ITSN1: variants seen among roughly 807,000 people sequenced by gnomAD.
ITSN1 encodes the protein intersectin 1, also known as intersectin-1.
In ITSN1, 58 loss-of-function variants were observed where a neutral mutation model predicts 239.8. The ratio of observed to expected loss-of-function variants is 0.24; its 90% confidence interval spans 0.20 to 0.30. The LOEUF (loss-of-function observed/expected upper bound fraction) is 0.30, where lower values mean the gene tolerates loss of function less well. ITSN1 is among the 10% of genes least tolerant of loss of function. The pLI is 1.00. For missense variants in ITSN1, 1,558 were observed against 2,103.3 expected (o/e 0.74, Z 5.07); for synonymous variants, 780 against 770.8 (o/e 1.01, Z -0.20).
chr21:33,676,658 T>C (rs910794123), intron 1 of ITSN1, among the ~76,000 whole-genome samples: 1 of 152,208 alleles, frequency 6.6e-6, no homozygotes, highest in Non-Finnish European at 1.5e-5. Flanking sequence ...TTGAATTATT[T>C]TGGTTGCACT....
chr21:33,843,753 C>T (rs765787598), intron 29 of ITSN1, among the ~76,000 whole-genome samples: 20 of 152,186 alleles, frequency 1.3e-4, no homozygotes, highest in Non-Finnish European at 2.5e-4. Flanking sequence ...GCTCAGAGCA[C>T]GGGTTCAAAT....
intron 5 of ITSN1, among the ~76,000 whole-genome samples, chr21:33,741,764 G>A (rs1290725616): frequency 6.6e-6 from 1 of 151,388 alleles, no homozygotes; most frequent in East Asian, 2.0e-4. Context: ...GCATGGTGGC[G>A]GGTGTCTGTA....
rs548876498 is a variant in ITSN1, at chr21:33,778,938, T to C, written c.1597-2523T>C. ...TCTGTAGTGATGTCTCTTCTTTCTTTACTGATATTGGTAATTTGTGTCCTC... is the reference window on the plus strand; with the variant it reads ...TCTGTAGTGATGTCTCTTCTTTCTTCACTGATATTGGTAATTTGTGTCCTC... On this transcript the variant is annotated intron_variant, in intron 14 of 39. Coordinates refer to ENST00000381318, the MANE Select transcript of ITSN1 (RefSeq NM_003024.3). Among the ~76,000 whole-genome samples the C allele has an allele frequency of 2.0e-3, 304 of 152,300 alleles. 2 individuals carry two copies. The highest frequency in any genetic ancestry group is 2.8e-4 in the Non-Finnish European group (19 of 68,032).
At chr21:33,756,497 C>T (rs1449342477) in intron 8 of ITSN1, among the ~76,000 whole-genome samples, 1 of 151,946 alleles carries the variant, frequency 6.6e-6, no homozygotes, top group Non-Finnish European at 1.5e-5. Context: ...AGAAATGATT[C>T]TTACTATTTT....
intron 1 of ITSN1, among the ~76,000 whole-genome samples, chr21:33,684,278 A>G (rs978620411): frequency 6.6e-6 from 1 of 152,182 alleles, no homozygotes; most frequent in African/African-American, 2.4e-5. Context: ...TAATTGTCAA[A>G]TGTCTCAACT....
At chr21:33,679,115 A>C (rs935553806) in intron 1 of ITSN1, among the ~76,000 whole-genome samples, 1 of 152,220 alleles carries the variant, frequency 6.6e-6, no homozygotes. Flanking sequence ...ATGAGATTAC[A>C]TCATCTTATA....
chr21:33,827,378 C>T (rs1032249188), intron 26 of ITSN1, among the ~76,000 whole-genome samples: 5 of 151,490 alleles, frequency 3.3e-5, no homozygotes, highest in African/African-American at 7.3e-5. Context: ...CCAGCCTGGG[C>T]GATAGAACAA....
intron 5 of ITSN1, chr21:33,735,611 T>G (rs1287215687): frequency 4.5e-6 from 1 of 224,416 alleles, no homozygotes; most frequent in African/African-American, 2.4e-5. Flanking sequence ...TAGAAATATA[T>G]ATATTTTGAA....
intron 1 of ITSN1, among the ~76,000 whole-genome samples, chr21:33,713,303 G>A (rs1436576375): frequency 6.6e-6 from 1 of 151,618 alleles, no homozygotes; most frequent in African/African-American, 2.4e-5. Flanking sequence ...GCGGTGGCAC[G>A]ATCTAGGCTC....
At chr21:33,717,640 CCA>C (rs2065233367) in intron 1 of ITSN1, among the ~76,000 whole-genome samples, 8 of 151,988 alleles carry the variant, frequency 5.3e-5, no homozygotes, top group Admixed American at 2.6e-4. Context: ...ACTGCAAGCT[CCA>C]TCTCCTGGGT....
At chr21:33,874,346 C>T (rs1052023503) in intron 33 of ITSN1, among the ~76,000 whole-genome samples, 4 of 152,002 alleles carry the variant, frequency 2.6e-5, no homozygotes, top group East Asian at 3.9e-4. Flanking sequence ...GTTCCAGAGG[C>T]GCGTGGACCC....
intron 22 of ITSN1, 165 bp from the exon 23 acceptor site, chr21:33,818,102 G>C (rs2073409821): frequency 1.6e-6 from 1 of 619,118 alleles, no homozygotes. Context: ...CAATTGTTGG[G>C]AAACAGTGAA....
At chr21:33,818,531 G>C in intron 23 of ITSN1, 59 bp downstream of exon 23, 1 of 1,371,614 alleles carries the variant, frequency 7.3e-7, no homozygotes, top group African/African-American at 1.4e-5. Flanking sequence ...TTATATTACT[G>C]TTTGCACTAG....
chr21:33,877,956 A>G (rs181584105), intron 34 of ITSN1, among the ~76,000 whole-genome samples: 9 of 140,482 alleles, frequency 6.4e-5, no homozygotes, highest in Admixed American at 6.0e-4. Flanking sequence ...AGTCCACTCT[A>G]CTTCCAGCAA....
intron 1 of ITSN1, among the ~76,000 whole-genome samples, chr21:33,713,292 T>G (rs1272023064): frequency 1.3e-5 from 2 of 151,898 alleles, no homozygotes; most frequent in Admixed American, 6.6e-5. Context: ...CAGGCTGGAG[T>G]GCGGTGGCAC....
intron 1 of ITSN1, among the ~76,000 whole-genome samples, chr21:33,690,338 C>G (rs1364515692): frequency 6.7e-6 from 1 of 149,570 alleles, no homozygotes; most frequent in Non-Finnish European, 1.5e-5. Flanking sequence ...CAGTGGCTCA[C>G]CCTGTAATCC....
intron 20 of ITSN1, among the ~76,000 whole-genome samples, chr21:33,808,957 T>A (rs2072686414): frequency 1.3e-5 from 2 of 152,192 alleles, no homozygotes. Flanking sequence ...GGACCTGGCT[T>A]GGATAGAGAC....
rs371903542 is a variant in ITSN1 at position 33,683,274 on chromosome 21, A to T, written c.-32-35523A>T. ...CAGTCATTTCAATGATCTAAAAGTGAAGAGCTTGATAATAAGTTGATTTTA... is the reference window on the plus strand; with the variant it reads ...CAGTCATTTCAATGATCTAAAAGTGTAGAGCTTGATAATAAGTTGATTTTA... On this transcript the variant is annotated intron_variant, in intron 1 of 39. Coordinates refer to ENST00000381318, the MANE Select transcript of ITSN1 (RefSeq NM_003024.3). 4.2e-4 allele frequency among the ~76,000 whole-genome samples: 64 copies of T among 152,192 alleles called. 1 individual carries two copies. The East Asian group carries it at 0.011, about 26-fold the overall frequency.
At chr21:33,734,966 C>T (rs766961832) in intron 4 of ITSN1, 78 bp from the exon 5 acceptor site, 20 of 1,243,552 alleles carry the variant, frequency 1.6e-5, no homozygotes, top group African/African-American at 6.1e-5. Flanking sequence ...ATTTTGTTTT[C>T]GTGTTGGTGG....
Sources: allele counts gnomAD v4.1 joint callset (sites outside exome capture counted in the v4.1 genomes callset), GRCh38; gene constraint gnomAD v4.1.1; transcripts MANE v1.5; gene names NCBI Gene and HGNC (gene_info 2026-07-23, HGNC 2026-07-21).